The following RASSF3 variants were observed in gnomAD, a reference collection of about 807,000 sequenced individuals.
RASSF3 encodes ras association domain-containing protein 3.
Under a neutral mutation model 19.9 loss-of-function variants are expected in RASSF3, and 19 were observed. The ratio of observed to expected loss-of-function variants is 0.96; its 90% confidence interval spans 0.67 to 1.40. The LOEUF (loss-of-function observed/expected upper bound fraction) is 1.40. RASSF3 is among the 40% of genes most tolerant of loss of function. The pLI is 0.00. For missense variants in RASSF3, 306 were observed against 289.8 expected (o/e 1.06, Z -0.41); for synonymous variants, 110 against 104.2 (o/e 1.06, Z -0.34).
At chr12:64,557,219 T>C (rs762699356) in intron 2 of RASSF3, among the ~76,000 whole-genome samples, 11 of 152,130 alleles carry the variant, frequency 7.2e-5, no homozygotes, top group Non-Finnish European at 1.3e-4. Flanking sequence ...TGACCCAAAC[T>C]GTCACTCCTA....
chr12:64,649,026 C>T (rs1345454440), intron 1 of RASSF3, among the ~76,000 whole-genome samples: 1 of 151,502 alleles, frequency 6.6e-6, no homozygotes, highest in Non-Finnish European at 1.5e-5. Context: ...CCCAGCTGGT[C>T]TCAAACTCAT....
intron 1 of RASSF3, among the ~76,000 whole-genome samples, chr12:64,683,975 A>G (rs1873230687): frequency 6.9e-6 from 1 of 144,426 alleles, no homozygotes; most frequent in Non-Finnish European, 1.5e-5. Flanking sequence ...AAAGAGAAGC[A>G]GCGAGGGAGA....
At chr12:64,574,788 C>G (rs764066779) in intron 2 of RASSF3, among the ~76,000 whole-genome samples, 4 of 152,194 alleles carry the variant, frequency 2.6e-5, no homozygotes, top group Non-Finnish European at 5.9e-5. Context: ...ATGAGCTCAG[C>G]CAAGACCAGC....
chr12:64,509,595 GGTGA>G (rs1046358827), intron 1 of RASSF3, among the ~76,000 whole-genome samples: 6 of 152,132 alleles, frequency 3.9e-5, no homozygotes, highest in Non-Finnish European at 7.4e-5. Flanking sequence ...ACAGAGCAAT[GGTGA>G]GTAAGTAACA....
chr12:64,518,869 G>T lies in RASSF3; in HGVS notation c.169+11540G>T, dbSNP rs146091984. ...CTAAATTCAAAGAGAGATATTCAAA[G>T]AGAGATATGGTCCAAAGGGAGAGGA... On this transcript the variant is annotated intron_variant, in intron 1 of 5. Coordinates refer to the RASSF3 transcript ENST00000637125. 2.0e-5 allele frequency among the ~76,000 whole-genome samples: 3 copies of T among 152,306 alleles called. No individual in the cohort carries two copies. In the East Asian group the frequency reaches 5.8e-4, roughly 29 times the overall value.
downstream of RASSF3, among the ~76,000 whole-genome samples, chr12:64,544,391 C>G (rs1214468024): frequency 1.3e-5 from 2 of 152,194 alleles, no homozygotes; most frequent in African/African-American, 4.8e-5. Flanking sequence ...TCCAGACATG[C>G]TGCTTTCAAG....
intron 1 of RASSF3, among the ~76,000 whole-genome samples, chr12:64,658,568 G>C (rs897721195): frequency 2.0e-5 from 3 of 152,182 alleles, no homozygotes; most frequent in African/African-American, 7.2e-5. Flanking sequence ...TTGGAAGGCT[G>C]AGGCGGGCGG....
intron 2 of RASSF3, among the ~76,000 whole-genome samples, chr12:64,563,171 T>A (rs546395811): frequency 6.7e-5 from 10 of 148,842 alleles, no homozygotes; most frequent in South Asian, 2.1e-4. Context: ...ATTTTTATTT[T>A]TATTTTTTTT....
chr12:64,534,935 C>T (rs1868790635), intron 1 of RASSF3, among the ~76,000 whole-genome samples: 1 of 152,152 alleles, frequency 6.6e-6, no homozygotes, highest in African/African-American at 2.4e-5. Context: ...TGTAGTAAGG[C>T]ATAGCATTAC....
chr12:64,647,144 A>C (rs1013928538), intron 1 of RASSF3, among the ~76,000 whole-genome samples: 2 of 152,194 alleles, frequency 1.3e-5, no homozygotes, highest in African/African-American at 4.8e-5. Flanking sequence ...AATTTCTTTT[A>C]TCTTTTAAAC....
At chr12:64,647,787 C>G (rs1212319955) in intron 1 of RASSF3, among the ~76,000 whole-genome samples, 1 of 151,844 alleles carries the variant, frequency 6.6e-6, no homozygotes, top group Non-Finnish European at 1.5e-5. Flanking sequence ...TGGGCTCAAG[C>G]AGTCCTCCCA....
intron 2 of RASSF3, among the ~76,000 whole-genome samples, chr12:64,601,945 G>A (rs1870099305): frequency 6.6e-6 from 1 of 150,874 alleles, no homozygotes; most frequent in Admixed American, 6.6e-5. Context: ...GTGAAACCCC[G>A]TCTCTACTAA....
At chr12:64,631,757 A>C (rs1340818479) in intron 1 of RASSF3, among the ~76,000 whole-genome samples, 1 of 151,896 alleles carries the variant, frequency 6.6e-6, no homozygotes, top group Non-Finnish European at 1.5e-5. Context: ...TTTAGTAGAG[A>C]TGGAGTTTTG....
intron 1 of RASSF3, among the ~76,000 whole-genome samples, chr12:64,615,760 G>A (rs562854908): frequency 6.8e-6 from 1 of 147,902 alleles, no homozygotes; most frequent in East Asian, 2.0e-4. Flanking sequence ...TGCAACATCT[G>A]CCTCCTGGGT....
intron 1 of RASSF3, among the ~76,000 whole-genome samples, chr12:64,511,526 C>T (rs1056574307): frequency 2.0e-5 from 3 of 152,116 alleles, no homozygotes; most frequent in Non-Finnish European, 2.9e-5. Flanking sequence ...AGACTCTCCA[C>T]ATATAGGATG....
intron 2 of RASSF3, among the ~76,000 whole-genome samples, chr12:64,570,647 A>G (rs893195885): frequency 2.1e-4 from 32 of 152,184 alleles, no homozygotes; most frequent in African/African-American, 7.7e-4. Flanking sequence ...AAACAAAGGG[A>G]AAAATTGTCT....
intron 2 of RASSF3, among the ~76,000 whole-genome samples, chr12:64,556,006 G>T (rs556829570): frequency 6.6e-6 from 1 of 152,346 alleles, no homozygotes; most frequent in South Asian, 2.1e-4. Flanking sequence ...ACATGAGAGA[G>T]ATTTACCGTG....
intron 1 of RASSF3, among the ~76,000 whole-genome samples, chr12:64,520,967 C>G (rs1868466558): frequency 6.6e-6 from 1 of 152,130 alleles, no homozygotes; most frequent in East Asian, 1.9e-4. Flanking sequence ...AAGAGATCTA[C>G]AGAGAGAGAA....
Position 64,610,671 on chromosome 12 carries a change from G to C in RASSF3, c.39G>C (p.Glu13Asp). Residue 13 changes from glutamate (E) to aspartate (D), a missense_variant, in exon 1 of 5, where the codon GAG (glutamate) becomes GAC (aspartate). Coordinates refer to ENST00000542104, the MANE Select transcript of RASSF3 (RefSeq NM_178169.4). ...SGYSSLEEDA[E>D]DFFFTARTSF... ...ACAGCAGCCTGGAGGAGGACGCCGA[G>C]GACTTCTTCTTCACCGCCAGGACCT... 5 of 1,593,060 alleles carry C rather than the reference G, an allele frequency of 3.1e-6. No individual in the cohort carries two copies. Among genetic ancestry groups the C allele is most frequent in the Non-Finnish European group, 3.4e-6 (4 of 1,171,914 alleles).
Sources: gnomAD v4.1 joint callset for allele counts (sites outside exome capture counted in the v4.1 genomes callset) on GRCh38, gnomAD v4.1.1 for gene constraint, MANE v1.5 for transcripts, NCBI Gene and HGNC (gene_info 2026-07-23, HGNC 2026-07-21) for gene names.